The following PMS1 variants were observed in gnomAD, a reference collection of about 807,000 sequenced individuals.
The protein encoded by PMS1 is PMS1 homolog 1, mismatch repair system component, also known as PMS1 protein homolog 1.
In PMS1, 79 loss-of-function variants were observed where a neutral mutation model predicts 93.1. That is an observed-to-expected ratio of 0.85 (90% CI 0.71 to 1.02). PMS1 has a LOEUF of 1.02. Among genes scored for constraint, PMS1 ranks in the 50% least tolerant of loss-of-function variants. The pLI is 0.00. For missense variants in PMS1, 1,064 were observed against 1,085.3 expected (o/e 0.98, Z 0.28); for synonymous variants, 335 against 363.4 (o/e 0.92, Z 0.89).
chr2:189,830,493 C>T (rs988749837), intron 5 of PMS1, among the ~76,000 whole-genome samples: 4 of 152,184 alleles, frequency 2.6e-5, no homozygotes, highest in South Asian at 2.1e-4. Flanking sequence ...CCTGTCCCCC[C>T]GCTTCCCCAC....
At chr2:189,863,719 G>A in intron 9 of PMS1, 24 bp from the exon 10 acceptor site, 1 of 1,518,578 alleles carries the variant, frequency 6.6e-7, no homozygotes, top group East Asian at 2.3e-5. Context: ...GATCTCATTA[G>A]TTCTATTTTA....
intron 9 of PMS1, among the ~76,000 whole-genome samples, chr2:189,860,994 GT>G (rs1009512259): frequency 7.4e-4 from 111 of 150,988 alleles, no homozygotes; most frequent in African/African-American, 2.4e-3. Context: ...AAAGTTCGTT[GT>G]TACTTTTTAA....
chr2:189,814,614 C>A (rs576398235), intron 4 of PMS1, among the ~76,000 whole-genome samples: 2 of 152,156 alleles, frequency 1.3e-5, no homozygotes, highest in East Asian at 3.9e-4. Context: ...ACAGATTATT[C>A]ATTGTTGTTT....
chr2:189,817,216 A>G (rs1385093162), intron 4 of PMS1, among the ~76,000 whole-genome samples: 1 of 152,222 alleles, frequency 6.6e-6, no homozygotes, highest in African/African-American at 2.4e-5. Flanking sequence ...GAAGCACTAC[A>G]CTATAAATTT....
rs112309414 is a variant in PMS1, at chr2:189,849,100, CT to C, written c.700-3543del. Among the ~76,000 whole-genome samples the C allele has an allele frequency of 2.3e-3, 338 of 147,150 alleles. 1 individual carries two copies. The highest frequency in any genetic ancestry group is 5.6e-3 in the African/African-American group (226 of 40,316). On this transcript the variant is annotated intron_variant, in intron 6 of 12. Transcript: ENST00000441310. ...ATCTCTTCCCATAATGTGAGGGTAACTTTTTTTTTTTTCCTCCTGCAGGGAC... is the reference window on the plus strand; with the variant it reads ...ATCTCTTCCCATAATGTGAGGGTAACTTTTTTTTTTTCCTCCTGCAGGGAC...
Position 189,877,392 on chromosome 2 carries a change from C to T in PMS1, c.2755C>T (p.Arg919Cys), listed in dbSNP as rs145103030. 8.7e-5 allele frequency: 141 copies of T among 1,612,828 alleles called. 1 individual carries two copies. The East Asian group carries it at 2.2e-3, about 25-fold the overall frequency. The stretch of plus-strand genomic sequence containing the variant: ...TGAAATTAAAGAGTGTGTTCATGGT[C>T]GCCCATTTTTTCATCATTTAACCTA... The part of the protein sequence containing the change: ...GNEIKECVHG[R>C]PFFHHLTYLP... The change falls in exon 13 of 13, where the codon CGC (arginine) becomes TGC (cysteine). Residue 919 changes from arginine (R) to cysteine (C), a missense_variant. By Grantham distance (180) the Arg-to-Cys change is radical. Coordinates refer to ENST00000441310, the MANE Select transcript of PMS1 (RefSeq NM_000534.5).
At chr2:189,873,474 G>A in intron 11 of PMS1, 22 bp from the exon 12 acceptor site, 1 of 1,531,600 alleles carries the variant, frequency 6.5e-7, no homozygotes, top group Non-Finnish European at 9.0e-7. Context: ...TTAACTATGT[G>A]TTTTTATTTT....
At chr2:189,792,690 T>A (rs1395308958) in intron 2 of PMS1, among the ~76,000 whole-genome samples, 1 of 71,148 alleles carries the variant, frequency 1.4e-5, no homozygotes, top group Non-Finnish European at 2.5e-5. Context: ...TGGACACAAA[T>A]ATATATATAT....
In PMS1 at chr2:189,816,973, T is replaced by TA. The variant is rs5743039; in HGVS notation, c.419-1035dup. On this transcript the variant is annotated intron_variant, in intron 4 of 12. Coordinates refer to ENST00000441310, the MANE Select transcript of PMS1 (RefSeq NM_000534.5). ...CTATCTTTTTATTCTATTTTATTTT[T>TA]AAAAAAAAAGATGGTAGTTTTTAAA... 3.0e-3 allele frequency among the ~76,000 whole-genome samples: 455 copies of TA among 151,682 alleles called. 1 individual carries two copies. The highest frequency in any genetic ancestry group is 5.0e-3 in the Admixed American group (76 of 15,230).
intron 1 of PMS1, among the ~76,000 whole-genome samples, chr2:189,786,346 A>G (rs1168748122): frequency 6.6e-6 from 1 of 152,218 alleles, no homozygotes; most frequent in Non-Finnish European, 1.5e-5. Flanking sequence ...TCGAGTCAAA[A>G]TATCAATTAG....
chr2:189,788,220 T>C (rs2048536774), intron 1 of PMS1, among the ~76,000 whole-genome samples: 1 of 152,180 alleles, frequency 6.6e-6, no homozygotes. Context: ...ATTTCCTAGC[T>C]GAGGTGGAAG....
intron 5 of PMS1, among the ~76,000 whole-genome samples, chr2:189,820,287 T>C (rs1179903909): frequency 3.9e-5 from 6 of 152,160 alleles, no homozygotes; most frequent in Non-Finnish European, 8.8e-5. Context: ...CTTTGCTCTC[T>C]ACCATGCTCT....
At chr2:189,799,825 TGGTTGA>T (rs5743000) in intron 3 of PMS1, among the ~76,000 whole-genome samples, 5,727 of 152,288 alleles carry the variant, frequency 0.038, 152 homozygotes, top group African/African-American at 0.067. Flanking sequence ...ATCCAGTGAC[TGGTTGA>T]GGTGTTATAA....
intron 9 of PMS1, among the ~76,000 whole-genome samples, chr2:189,860,800 ATTTTTTTTTTTTTTTTTTTTTTTTTTT>A (rs1158514130): frequency 1.7e-4 from 7 of 40,994 alleles, no homozygotes; most frequent in African/African-American, 4.3e-4. Flanking sequence ...TCTTTGAGGA[ATTTTTTTTTTTTTTTTTTTTTTTTTTT>A]TTTTTTTTTT....
chr2:189,874,062 A>T (rs1559338721), intron 12 of PMS1, among the ~76,000 whole-genome samples: 1 of 152,104 alleles, frequency 6.6e-6, no homozygotes, highest in Non-Finnish European at 1.5e-5. Flanking sequence ...GTAGAATATT[A>T]TCTGTAAGTT....
chr2:189,792,688 A>AATATGTATATATAT (rs2048976739), intron 2 of PMS1, among the ~76,000 whole-genome samples: 1 of 127,258 alleles, frequency 7.9e-6, no homozygotes, highest in African/African-American at 2.9e-5. Flanking sequence ...TATGGACACA[A>AATATGTATATATAT]ATATATATAT....
At chr2:189,827,606 T>A (rs190583904) in intron 5 of PMS1, among the ~76,000 whole-genome samples, 80 of 151,902 alleles carry the variant, frequency 5.3e-4, no homozygotes, top group African/African-American at 1.4e-3. Context: ...AAATGATGAA[T>A]GGATAAAGAA....
rs5743007 is a variant in PMS1, at chr2:189,804,230, G to C, written c.316-1422G>C. On this transcript the variant is annotated intron_variant, in intron 3 of 12. Coordinates refer to ENST00000441310, the MANE Select transcript of PMS1 (RefSeq NM_000534.5). ...GTCAGGTGGCTAGTTCTTTGGAGTA[G>C]AGAAATAGAATTCAGTTGACCTTAG... Among the ~76,000 whole-genome samples the C allele has an allele frequency of 8.3e-3, 1,267 of 152,218 alleles. 14 individuals carry two copies. Among genetic ancestry groups the C allele is most frequent in the African/African-American group, 0.029 (1,192 of 41,544 alleles).
At position 189,784,461 on chromosome 2, in the gene PMS1, C is replaced by A. The variant is rs918884543; in HGVS notation, c.-153C>A. ...GCGAGGCGGGACTCAGTGCCGCGCT[C>A]TCTGCACCCGCTCTGCCGCGCGCGT... is the stretch of plus-strand genomic sequence containing the variant. On this transcript the variant is annotated 5_prime_UTR_variant, in exon 1 of 13. Coordinates refer to ENST00000441310, the MANE Select transcript of PMS1 (RefSeq NM_000534.5). 6.6e-6 allele frequency: 1 copy of A among 152,422 alleles called. No homozygotes were observed. The highest frequency in any genetic ancestry group is 2.4e-5 in the African/African-American group (1 of 41,470). 9.4% of individuals were successfully genotyped at this position (152,422 alleles called of 1,614,324 possible).
Sources: allele counts gnomAD v4.1 joint callset (sites outside exome capture counted in the v4.1 genomes callset), GRCh38; gene constraint gnomAD v4.1.1; transcripts MANE v1.5; gene names NCBI Gene and HGNC (gene_info 2026-07-23, HGNC 2026-07-21).